The following RAD23B variants were observed in gnomAD, a reference collection of about 807,000 sequenced individuals.
RAD23B encodes the protein lysine-specific demethylase RAD23B.
In RAD23B, 5 loss-of-function variants were observed where a neutral mutation model predicts 49.1. The observed-to-expected ratio is 0.10, with a 90% confidence interval of 0.05 to 0.21. The LOEUF (loss-of-function observed/expected upper bound fraction) is 0.21. Among genes scored for constraint, RAD23B ranks in the 10% least tolerant of loss-of-function variants. The probability of loss-of-function intolerance (pLI) is 1.00; values close to 1 mark genes in which losing one functional copy is unlikely to be tolerated. For missense variants in RAD23B, 356 were observed against 486.7 expected, an observed-to-expected ratio of 0.73 and a Z score of 2.53; for synonymous variants, 184 against 165.4, an observed-to-expected ratio of 1.11 and a Z score of -0.86.
intron 6 of RAD23B, among the ~76,000 whole-genome samples, chr9:107,321,002 T>C (rs1564251531): frequency 6.6e-6 from 1 of 152,170 alleles, no homozygotes; most frequent in African/African-American, 2.4e-5. Context: ...CTCTTCAAAA[T>C]CTATAAGAAC....
At chr9:107,288,731 C>T (rs993775807) in intron 1 of RAD23B, among the ~76,000 whole-genome samples, 1 of 152,054 alleles carries the variant, frequency 6.6e-6, no homozygotes, top group Non-Finnish European at 1.5e-5. Flanking sequence ...GAAGGCCTTT[C>T]TGAATAAGGT....
chr9:107,296,859 T>G, intron 1 of RAD23B, among the ~76,000 whole-genome samples: 1 of 12,998 alleles, frequency 7.7e-5, no homozygotes, highest in African/African-American at 7.9e-4. Context: ...TTTAATTGCT[T>G]TTTTTTTTTT....
At chr9:107,294,922 C>T (rs1826467650) in intron 1 of RAD23B, among the ~76,000 whole-genome samples, 1 of 152,032 alleles carries the variant, frequency 6.6e-6, no homozygotes, top group Non-Finnish European at 1.5e-5. Flanking sequence ...AGTGTGGCAT[C>T]CTGGAAGCCA....
At chr9:107,317,477 C>T (rs1827019865) in intron 5 of RAD23B, among the ~76,000 whole-genome samples, 1 of 151,930 alleles carries the variant, frequency 6.6e-6, no homozygotes, top group Non-Finnish European at 1.5e-5. Flanking sequence ...AGAAAGTGGA[C>T]ACATGTTCAA....
Position 107,323,974 on chromosome 9 carries a change from C to G in RAD23B, c.902C>G (p.Ala301Gly). The change falls in exon 8 of 10, where the codon GCG (alanine) becomes GGG (glycine). Residue 301 changes from alanine to glycine, a missense_variant. By Grantham distance (60) the Ala-to-Gly change is moderately conservative (BLOSUM62 0). Around this residue, in one of 5 missense-constraint regions of RAD23B, gnomAD observed 148 missense variants for 231.7 expected, o/e 0.64. Transcript: ENST00000358015. Reference protein sequence around the residue: ...IIQQNPSLLPALLQQIGRENP... With the variant: ...IIQQNPSLLPGLLQQIGRENP... ...CAGCAGAATCCTTCCTTGCTTCCAG[C>G]GTTACTACAGCAGATAGGTCGAGAG... 6.2e-7 allele frequency: 1 copy of G among 1,613,108 alleles called. No homozygotes were observed. Among genetic ancestry groups the G allele is most frequent in the Non-Finnish European group, 8.5e-7 (1 of 1,179,140 alleles).
chr9:107,314,753 G>A (rs1211468559), intron 5 of RAD23B, among the ~76,000 whole-genome samples: 1 of 152,204 alleles, frequency 6.6e-6, no homozygotes, highest in Non-Finnish European at 1.5e-5. Context: ...TTTCCGTACT[G>A]TTTTCCATAA....
intron 5 of RAD23B, among the ~76,000 whole-genome samples, chr9:107,313,738 T>G (rs947521419): frequency 6.6e-6 from 1 of 152,220 alleles, no homozygotes; most frequent in African/African-American, 2.4e-5. Context: ...CCTCCATGAC[T>G]TCAGGTTTCA....
chr9:107,285,891 A>G (rs545367450), intron 1 of RAD23B, among the ~76,000 whole-genome samples: 11 of 152,288 alleles, frequency 7.2e-5, no homozygotes, highest in Admixed American at 3.3e-4. Flanking sequence ...TTTCAATTCT[A>G]TGTTTGTAGT....
intron 3 of RAD23B, among the ~76,000 whole-genome samples, chr9:107,305,069 G>A (rs1052462953): frequency 6.6e-6 from 1 of 152,042 alleles, no homozygotes; most frequent in Non-Finnish European, 1.5e-5. Context: ...TGGGCGGATC[G>A]CTTGAGCTCA....
chr9:107,327,672 A>G (rs973572887), intron 9 of RAD23B, among the ~76,000 whole-genome samples: 1 of 152,176 alleles, frequency 6.6e-6, no homozygotes, highest in African/African-American at 2.4e-5. Flanking sequence ...GTGGCCTAAC[A>G]TGGTATTTCT....
chr9:107,324,022 CT>C lies in RAD23B; in HGVS notation c.945+6del. 1 of 1,612,862 alleles carries C rather than the reference CT, an allele frequency of 6.2e-7. No individual in the cohort carries two copies. Among genetic ancestry groups the C allele is most frequent in the Non-Finnish European group, 8.5e-7 (1 of 1,179,074 alleles). ...GAGAATCCTCAATTACTTCAGGTGA[CT>C]AATCAGTGTCAGTTTCACAAGTGAT... On this transcript the variant is annotated splice_donor_region_variant and intron_variant, in intron 8 of 9. Coordinates refer to ENST00000358015, the MANE Select transcript of RAD23B (RefSeq NM_002874.5).
intron 8 of RAD23B, 125 bp from the exon 9 acceptor site, chr9:107,324,709 C>A (rs745368276): frequency 2.4e-5 from 23 of 976,934 alleles, no homozygotes; most frequent in Non-Finnish European, 3.3e-5. Context: ...ACTGAATAAT[C>A]CAGAATCACT....
chr9:107,324,566 G>T (rs796460112), intron 8 of RAD23B, among the ~76,000 whole-genome samples: 6 of 151,406 alleles, frequency 4.0e-5, no homozygotes, highest in Admixed American at 1.3e-4. Context: ...TTTTTTGTTT[G>T]TTTTTTGTTT....
At chr9:107,287,869 A>C (rs959946876) in intron 1 of RAD23B, among the ~76,000 whole-genome samples, 1 of 150,692 alleles carries the variant, frequency 6.6e-6, no homozygotes, top group Non-Finnish European at 1.5e-5. Context: ...CTGTGTGTGT[A>C]TATTGCTTTA....
At chr9:107,289,003 C>T (rs1193407895) in intron 1 of RAD23B, among the ~76,000 whole-genome samples, 1 of 151,550 alleles carries the variant, frequency 6.6e-6, no homozygotes, top group Non-Finnish European at 1.5e-5. Flanking sequence ...GTTTCTTTGT[C>T]TCTGTCTCTC....
At chr9:107,293,572 AAAGT>A (rs1242063950) in intron 1 of RAD23B, among the ~76,000 whole-genome samples, 9 of 152,224 alleles carry the variant, frequency 5.9e-5, no homozygotes, top group African/African-American at 2.2e-4. Context: ...CATAGTTACA[AAAGT>A]AAGAAGAAAA....
Position 107,329,543 on chromosome 9 carries a change from T to C in RAD23B, c.1117T>C (p.Leu373=), listed in dbSNP as rs746712750. 3.2e-5 allele frequency: 51 copies of C among 1,596,388 alleles called. 1 individual carries two copies. In the South Asian group the frequency reaches 5.0e-4, roughly 16 times the overall value. ...TATATTTTTTTCCTTTTTCTTCCAG[T>C]TAAAGGCATTAGGATTTCCTGAAGG... ...TPQEKEAIER[L]KALGFPEGLV... is the part of the protein sequence containing the mutation. The change falls in exon 10 of 10, where the codon TTA becomes CTA. Residue 373 remains leucine (L), a splice_region_variant and synonymous_variant. Transcript: ENST00000358015.
Position 107,283,580 on chromosome 9 carries a change from A to T in RAD23B, c.-50A>T. ...CCCCGCCAGGCCACAGACCCCGCCC[A>T]GCGGCCAGCACCCGGCGCAGGCCCG... On this transcript the variant is annotated 5_prime_UTR_variant, in exon 1 of 10. Coordinates refer to ENST00000358015, the MANE Select transcript of RAD23B (RefSeq NM_002874.5). 7.0e-7 allele frequency: 1 copy of T among 1,430,438 alleles called. No individual in the cohort carries two copies. Among genetic ancestry groups the T allele is most frequent in the Non-Finnish European group, 9.3e-7 (1 of 1,076,386 alleles). The allele number at this position is 1,430,438 out of a possible 1,614,324, so 88.6% of individuals were successfully genotyped here. A position where few individuals can be genotyped will look rare whatever the true frequency, so the allele number is the denominator to read the frequency against.
rs1827037877 is a variant in RAD23B at position 107,318,446 on chromosome 9, T to C, written c.554-306T>C. On this transcript the variant is annotated intron_variant, in intron 5 of 9. Transcript: ENST00000358015. The surrounding 1 kb of genome is among the most constrained non-coding windows in gnomAD (Gnocchi z 4.3). ...CTATTAAGGATTCATGTCATTACAC[T>C]GGACCCACCTGGATAATCCAGAATG... is the stretch of plus-strand genomic sequence containing the variant. Among the ~76,000 whole-genome samples, 1 of 152,218 alleles carries C rather than the reference T, an allele frequency of 6.6e-6. No individual in the cohort carries two copies. The highest frequency in any genetic ancestry group is 2.4e-5 in the African/African-American group (1 of 41,460).
Sources: allele counts gnomAD v4.1 joint callset (sites outside exome capture counted in the v4.1 genomes callset), GRCh38; gene constraint gnomAD v4.1.1; regional missense constraint gnomAD v4.1.1; non-coding constraint Gnocchi (gnomAD v3.1); transcripts MANE v1.5; gene names NCBI Gene and HGNC (gene_info 2026-07-23, HGNC 2026-07-21).